The following CPE variants were observed in gnomAD, a reference collection of about 807,000 sequenced individuals.
CPE encodes carboxypeptidase E.
Under a neutral mutation model 53.5 loss-of-function variants are expected in CPE, and 17 were observed. The observed-to-expected ratio is 0.32, with a 90% confidence interval of 0.22 to 0.48. The LOEUF (loss-of-function observed/expected upper bound fraction) is 0.48. Ranked by LOEUF, CPE falls within the 20% of genes least tolerant of loss-of-function variation. The pLI, the probability that CPE is intolerant of heterozygous loss-of-function variation, is 0.99. For synonymous variants in CPE, 226 were observed against 228.8 expected (o/e 0.99, Z 0.11); for missense variants, 524 against 614.7 (o/e 0.85, Z 1.56).
At chr4:165,419,127 C>T (rs1003596012) in intron 1 of CPE, among the ~76,000 whole-genome samples, 1 of 152,116 alleles carries the variant, frequency 6.6e-6, no homozygotes, top group African/African-American at 2.4e-5. Context: ...TGCTATGTGC[C>T]TGAATATGTC....
intron 3 of CPE, among the ~76,000 whole-genome samples, chr4:165,475,122 G>C (rs1732273228): frequency 6.6e-6 from 1 of 152,164 alleles, no homozygotes; most frequent in African/African-American, 2.4e-5. Context: ...CGGAGGACTT[G>C]AGGCTTGAGG....
chr4:165,452,264 A>G (rs1731824416), intron 1 of CPE, among the ~76,000 whole-genome samples: 1 of 152,244 alleles, frequency 6.6e-6, no homozygotes. Flanking sequence ...TTTATTGTGC[A>G]TTTCAAAATA....
At chr4:165,386,952 G>A (rs933497081) in intron 1 of CPE, among the ~76,000 whole-genome samples, 3 of 152,160 alleles carry the variant, frequency 2.0e-5, no homozygotes, top group African/African-American at 4.8e-5. Context: ...AGGTTTATCC[G>A]AGCTACGTGA....
chr4:165,488,071 A>G (rs1732539282), intron 6 of CPE, among the ~76,000 whole-genome samples: 1 of 152,190 alleles, frequency 6.6e-6, no homozygotes, highest in South Asian at 2.1e-4. Context: ...GGTAATAATA[A>G]TAATAATGAG....
At chr4:165,467,927 C>A in intron 3 of CPE, 72 bp downstream of exon 3, 1 of 1,483,510 alleles carries the variant, frequency 6.7e-7, no homozygotes, top group Non-Finnish European at 9.2e-7. Context: ...TCTTCATCAT[C>A]ATGAAGGACA....
chr4:165,467,762 C>T lies in CPE; in HGVS notation c.579C>T (p.Asp193=), dbSNP rs771054364. Residue 193 remains aspartate (D), a synonymous_variant, in exon 3 of 9, where the codon GAC becomes GAT. Transcript: ENST00000402744. Reference sequence around the variant, plus strand: ...TAGATCTGAACCGGAACTTTCCAGACCTGGATAGGATAGTGTACGTGAATG... The same window carrying T: ...TAGATCTGAACCGGAACTTTCCAGATCTGGATAGGATAGTGTACGTGAATG... ...QGIDLNRNFP[D]LDRIVYVNEK... 6.2e-7 allele frequency: 1 copy of T among 1,613,302 alleles called. No homozygotes were observed.
intron 1 of CPE, chr4:165,404,944 G>A (rs1730928845): frequency 4.0e-6 from 3 of 758,984 alleles, no homozygotes; most frequent in Non-Finnish European, 4.9e-6. Context: ...TACTAGCAAA[G>A]ACGTAGTGAT....
At chr4:165,408,348 A>G (rs1439239206) in intron 1 of CPE, among the ~76,000 whole-genome samples, 1 of 152,192 alleles carries the variant, frequency 6.6e-6, no homozygotes, top group Non-Finnish European at 1.5e-5. Context: ...GGATAAGTAG[A>G]GGGTCCACTT....
chr4:165,473,765 G>C (rs926177324), intron 3 of CPE, among the ~76,000 whole-genome samples: 7 of 74,544 alleles, frequency 9.4e-5, no homozygotes, highest in Admixed American at 2.0e-4. Context: ...GCAGAATTTG[G>C]AGGAGAGTTC....
At chr4:165,406,922 C>A (rs1308695868) in intron 1 of CPE, among the ~76,000 whole-genome samples, 2 of 152,206 alleles carry the variant, frequency 1.3e-5, no homozygotes, top group Non-Finnish European at 2.9e-5. Context: ...AAGGTTCACC[C>A]ATGTTGTAGC....
At position 165,446,644 on chromosome 4, in the gene CPE, G is replaced by A. The variant is rs544713768; in HGVS notation, c.308-17746G>A. Reference sequence around the variant, plus strand: ...ATTACAGGCATGAGCCACTGCGCCCGGCCTAGAGTTATTTTCTAATAGTTT... The same window carrying A: ...ATTACAGGCATGAGCCACTGCGCCCAGCCTAGAGTTATTTTCTAATAGTTT... On this transcript the variant is annotated intron_variant, in intron 1 of 8. Transcript: ENST00000402744. Among the ~76,000 whole-genome samples, 164 of 152,256 alleles carry A rather than the reference G, an allele frequency of 1.1e-3. 1 individual carries two copies. Among genetic ancestry groups the A allele is most frequent in the African/African-American group, 3.7e-3 (152 of 41,556 alleles).
intron 1 of CPE, among the ~76,000 whole-genome samples, chr4:165,441,221 C>T (rs1731604493): frequency 6.6e-6 from 1 of 152,168 alleles, no homozygotes; most frequent in Non-Finnish European, 1.5e-5. Context: ...GATTGTTAAT[C>T]TGATGAACAG....
intron 1 of CPE, among the ~76,000 whole-genome samples, chr4:165,449,073 T>G (rs1208044324): frequency 2.0e-5 from 3 of 152,208 alleles, no homozygotes; most frequent in Non-Finnish European, 4.4e-5. Context: ...TGAGTGTATA[T>G]TAAATGAATT....
At chr4:165,385,939 C>T (rs1730583752) in intron 1 of CPE, among the ~76,000 whole-genome samples, 1 of 152,210 alleles carries the variant, frequency 6.6e-6, no homozygotes, top group African/African-American at 2.4e-5. Context: ...TTTCTCCCCG[C>T]TCCCTAACTT....
chr4:165,428,538 T>C (rs67371851), intron 1 of CPE, among the ~76,000 whole-genome samples: 44,956 of 152,176 alleles, frequency 0.3, 6,734 homozygotes, highest in Middle Eastern at 0.39. Context: ...CTGTGGATTC[T>C]GTAACAAATT....
Position 165,455,845 on chromosome 4 carries a change from G to T in CPE, c.308-8545G>T, listed in dbSNP as rs10022939. Among the ~76,000 whole-genome samples, 505 of 152,178 alleles carry T rather than the reference G, an allele frequency of 3.3e-3. 3 individuals carry two copies. Among genetic ancestry groups the T allele is most frequent in the African/African-American group, 0.012 (487 of 41,514 alleles). ...TTTTTGTATTTTTAGTAGAGACAGG[G>T]TTTCACCATGTTGGCCAGGCTGGTG... is the stretch of plus-strand genomic sequence containing the variant. On this transcript the variant is annotated intron_variant, in intron 1 of 8. Coordinates refer to ENST00000402744, the MANE Select transcript of CPE (RefSeq NM_001873.4).
At chr4:165,382,074 G>A (rs933981172) in intron 1 of CPE, among the ~76,000 whole-genome samples, 2 of 152,210 alleles carry the variant, frequency 1.3e-5, no homozygotes, top group Non-Finnish European at 2.9e-5. Flanking sequence ...CTGCAAGATC[G>A]GCTTTGGGAG....
At chr4:165,392,891 T>G (rs2126656490) in intron 1 of CPE, among the ~76,000 whole-genome samples, 1 of 148,682 alleles carries the variant, frequency 6.7e-6, no homozygotes, top group South Asian at 2.1e-4. Flanking sequence ...AAATAATATA[T>G]ATATAAATCA....
intron 6 of CPE, among the ~76,000 whole-genome samples, chr4:165,492,957 A>G (rs961903494): frequency 6.6e-6 from 1 of 152,136 alleles, no homozygotes; most frequent in African/African-American, 2.4e-5. Context: ...TGGGAAGCAA[A>G]CAAGACATTA....
Sources: gnomAD v4.1 joint callset for allele counts (sites outside exome capture counted in the v4.1 genomes callset) on GRCh38, gnomAD v4.1.1 for gene constraint, MANE v1.5 for transcripts, NCBI Gene and HGNC (gene_info 2026-07-23, HGNC 2026-07-21) for gene names.